CADPS2: variants seen among roughly 807,000 people sequenced by gnomAD.
CADPS2 encodes the protein calcium dependent secretion activator 2.
A neutral mutation model predicts 172.5 loss-of-function variants in CADPS2; 93 were observed. The ratio of observed to expected loss-of-function variants is 0.54; its 90% CI spans 0.46 to 0.64. The LOEUF (loss-of-function observed/expected upper bound fraction) is 0.64, where lower values mean the gene tolerates loss of function less well. Ranked by LOEUF, CADPS2 falls within the 30% of genes least tolerant of loss-of-function variation. The pLI is 0.00. For missense variants in CADPS2, 1,420 were observed against 1,565.9 expected, an observed-to-expected ratio of 0.91 and a Z score of 1.57; for synonymous variants, 546 against 555.2, an observed-to-expected ratio of 0.98 and a Z score of 0.23.
At chr7:122,672,892 C>G (rs1256123967) in intron 2 of CADPS2, among the ~76,000 whole-genome samples, 1 of 152,210 alleles carries the variant, frequency 6.6e-6, no homozygotes, top group African/African-American at 2.4e-5. Flanking sequence ...CACGGACCCT[C>G]GCGGTGAGTG....
At chr7:122,713,887 C>T (rs1177771790) in intron 2 of CADPS2, among the ~76,000 whole-genome samples, 1 of 152,050 alleles carries the variant, frequency 6.6e-6, no homozygotes, top group Non-Finnish European at 1.5e-5. Context: ...TCCCTCACAT[C>T]CACAGACCAC....
chr7:122,327,499 G>T (rs2034108762), intron 28 of CADPS2, among the ~76,000 whole-genome samples: 1 of 152,084 alleles, frequency 6.6e-6, no homozygotes, highest in South Asian at 2.1e-4. Context: ...TAACATACTG[G>T]TTACTCTGTT....
At chr7:122,611,726 T>G (rs1563851988) in intron 6 of CADPS2, among the ~76,000 whole-genome samples, 1 of 152,036 alleles carries the variant, frequency 6.6e-6, no homozygotes, top group Non-Finnish European at 1.5e-5. Context: ...ACAAGGCCAC[T>G]ATTACCCTGA....
chr7:122,326,244 G>A (rs2033838841), intron 28 of CADPS2, among the ~76,000 whole-genome samples: 2 of 152,014 alleles, frequency 1.3e-5, no homozygotes, highest in Admixed American at 6.6e-5. Flanking sequence ...ATAGGTGTCA[G>A]TTGATCAAAT....
intron 2 of CADPS2, among the ~76,000 whole-genome samples, chr7:122,690,457 C>T (rs997723963): frequency 2.0e-4 from 31 of 152,318 alleles, no homozygotes; most frequent in African/African-American, 7.2e-4. Context: ...CAAGGAGTAA[C>T]ATGTAAGTTA....
intron 1 of CADPS2, among the ~76,000 whole-genome samples, chr7:122,882,326 A>G (rs114899889): frequency 9.7e-4 from 148 of 152,286 alleles, no homozygotes; most frequent in African/African-American, 3.5e-3. Context: ...ACTGAAACAT[A>G]AAAATATAGG....
chr7:122,492,769 G>A (rs1207845772), intron 9 of CADPS2, among the ~76,000 whole-genome samples: 1 of 151,918 alleles, frequency 6.6e-6, no homozygotes, highest in Admixed American at 6.6e-5. Context: ...GCACGATTAT[G>A]GCTCATTGCA....
At chr7:122,334,991 A>G (rs1357153974) in intron 28 of CADPS2, among the ~76,000 whole-genome samples, 5 of 152,220 alleles carry the variant, frequency 3.3e-5, no homozygotes, top group African/African-American at 1.2e-4. Context: ...TAAATAATTA[A>G]TAAGAGGGGT....
chr7:122,575,397 G>A (rs2067884072), intron 7 of CADPS2, among the ~76,000 whole-genome samples: 1 of 151,472 alleles, frequency 6.6e-6, no homozygotes, highest in Admixed American at 6.6e-5. Context: ...TTGAAGTGAT[G>A]TAAGGAAATG....
intron 7 of CADPS2, among the ~76,000 whole-genome samples, chr7:122,564,266 G>A (rs555077728): frequency 5.3e-5 from 8 of 152,002 alleles, no homozygotes; most frequent in Non-Finnish European, 8.8e-5. Context: ...ATGTAAATTA[G>A]TACAACCTCT....
intron 1 of CADPS2, among the ~76,000 whole-genome samples, chr7:122,769,683 G>A (rs2093654797): frequency 6.6e-6 from 1 of 152,330 alleles, no homozygotes; most frequent in Non-Finnish European, 1.5e-5. Flanking sequence ...CAAAATGGAA[G>A]TGGATTAAAT....
At chr7:122,527,582 TAGAGAGAGAGAGAG>T (rs35881192) in intron 8 of CADPS2, among the ~76,000 whole-genome samples, 2 of 91,766 alleles carry the variant, frequency 2.2e-5, no homozygotes, top group African/African-American at 4.3e-5. Context: ...TAATACTGAA[TAGAGAGAGAGAGAG>T]AGAGAGAGAG....
At chr7:122,877,319 A>G (rs1273870243) in intron 1 of CADPS2, among the ~76,000 whole-genome samples, 1 of 152,248 alleles carries the variant, frequency 6.6e-6, no homozygotes, top group Non-Finnish European at 1.5e-5. Flanking sequence ...TATATTCACT[A>G]GTAAAGCACC....
chr7:122,323,505 A>G (rs1320644262), intron 29 of CADPS2, among the ~76,000 whole-genome samples: 1 of 152,134 alleles, frequency 6.6e-6, no homozygotes, highest in African/African-American at 2.4e-5. Flanking sequence ...GTATACATTA[A>G]TAAGTCACAC....
chr7:122,652,217 C>G (rs1168059493), intron 3 of CADPS2, among the ~76,000 whole-genome samples: 1 of 152,178 alleles, frequency 6.6e-6, no homozygotes, highest in East Asian at 1.9e-4. Flanking sequence ...TATTATTTAA[C>G]ACAATGCCTA....
chr7:122,787,723 G>C (rs1324241699), intron 1 of CADPS2, among the ~76,000 whole-genome samples: 1 of 152,162 alleles, frequency 6.6e-6, no homozygotes, highest in Non-Finnish European at 1.5e-5. Flanking sequence ...GGACAAGGAA[G>C]AATTCAAACG....
At chr7:122,576,181 A>G (rs570214904) in intron 7 of CADPS2, among the ~76,000 whole-genome samples, 23 of 152,198 alleles carry the variant, frequency 1.5e-4, no homozygotes, top group African/African-American at 5.5e-4. Flanking sequence ...TATCCTGTAT[A>G]ATGTCACCAA....
At chr7:122,833,694 C>A (rs975193277) in intron 1 of CADPS2, among the ~76,000 whole-genome samples, 1 of 152,042 alleles carries the variant, frequency 6.6e-6, no homozygotes, top group African/African-American at 2.4e-5. Flanking sequence ...CCACGCCTGG[C>A]CTTTATGTTT....
At chr7:122,334,830 CA>C (rs2035588750) in intron 28 of CADPS2, among the ~76,000 whole-genome samples, 3 of 152,206 alleles carry the variant, frequency 2.0e-5, no homozygotes, top group Admixed American at 6.5e-5. Context: ...AAAAGTAAAA[CA>C]TTTTATGTGG....
Sources: gnomAD v4.1 joint callset for allele counts (sites outside exome capture counted in the v4.1 genomes callset) on GRCh38, gnomAD v4.1.1 for gene constraint, MANE v1.5 for transcripts, NCBI Gene and HGNC (gene_info 2026-07-23, HGNC 2026-07-21) for gene names.